FBXO36: variants seen among roughly 807,000 people sequenced by gnomAD.
FBXO36 encodes the protein F-box only protein 36.
FBXO36 carries 18 observed loss-of-function variants against 17.0 expected under a neutral mutation model. The observed-to-expected ratio is 1.06, with a 90% CI of 0.73 to 1.57. The LOEUF is 1.57. Among genes scored for constraint, FBXO36 ranks in the 40% most tolerant of loss-of-function variants. FBXO36 has a pLI of 0.00. For synonymous variants in FBXO36, 83 were observed against 85.3 expected (o/e 0.97, Z 0.15); for missense variants, 229 against 221.9 (o/e 1.03, Z -0.20).
chr2:230,003,537 CTT>C (rs11307090), intron 3 of FBXO36, among the ~76,000 whole-genome samples: 126 of 145,644 alleles, frequency 8.7e-4, no homozygotes, highest in Admixed American at 1.0e-3. Flanking sequence ...TGTTCTTCTT[CTT>C]TTTTTTTTTT....
chr2:229,936,651 T>C (rs371221749), intron 1 of FBXO36, among the ~76,000 whole-genome samples: 1 of 152,094 alleles, frequency 6.6e-6, no homozygotes, highest in African/African-American at 2.4e-5. Flanking sequence ...GGAGAATCAC[T>C]TGAGCCCAGG....
chr2:230,005,477 G>T (rs2077382283), intron 3 of FBXO36, among the ~76,000 whole-genome samples: 1 of 152,070 alleles, frequency 6.6e-6, no homozygotes, highest in Non-Finnish European at 1.5e-5. Context: ...TATACAATTT[G>T]CATTGCATGT....
At chr2:229,923,181 G>T (rs1268113779) in intron 1 of FBXO36, 1 of 152,420 alleles carries the variant, frequency 6.6e-6, no homozygotes, top group African/African-American at 2.4e-5. Flanking sequence ...TTGAAAGTGT[G>T]CGGGTGGTGG....
At chr2:229,953,796 C>G (rs2077069810) in intron 1 of FBXO36, among the ~76,000 whole-genome samples, 1 of 151,940 alleles carries the variant, frequency 6.6e-6, no homozygotes, top group South Asian at 2.1e-4. Context: ...CCTGTACTAC[C>G]TTAGTATAAC....
At chr2:229,963,273 C>A in intron 1 of FBXO36, among the ~76,000 whole-genome samples, 1 of 151,280 alleles carries the variant, frequency 6.6e-6, no homozygotes, top group Admixed American at 6.6e-5. Flanking sequence ...ACCATATTGG[C>A]CAGGATGGTT....
intron 1 of FBXO36, among the ~76,000 whole-genome samples, chr2:229,964,602 C>G (rs1247209160): frequency 1.3e-5 from 2 of 152,194 alleles, no homozygotes; most frequent in East Asian, 3.9e-4. Context: ...CTTACCACAG[C>G]CTCCACCTCC....
chr2:229,935,082 A>T (rs2076957459), intron 1 of FBXO36, among the ~76,000 whole-genome samples: 1 of 152,226 alleles, frequency 6.6e-6, no homozygotes, highest in South Asian at 2.1e-4. Flanking sequence ...TTAACGTCTT[A>T]ACTTGTGCCT....
chr2:229,954,347 A>G (rs2077073733), intron 1 of FBXO36, among the ~76,000 whole-genome samples: 1 of 144,322 alleles, frequency 6.9e-6, no homozygotes, highest in South Asian at 2.2e-4. Context: ...GGTTCAAGCA[A>G]TTCTCCTGCC....
chr2:229,922,978 A>T (rs2076811643), intron 1 of FBXO36, among the ~76,000 whole-genome samples: 1 of 152,168 alleles, frequency 6.6e-6, no homozygotes, highest in African/African-American at 2.4e-5. Flanking sequence ...CGACTCAGCC[A>T]AGTGTCCCAA....
chr2:229,975,720 C>T (rs1365694411), intron 1 of FBXO36, among the ~76,000 whole-genome samples: 1 of 151,918 alleles, frequency 6.6e-6, no homozygotes, highest in African/African-American at 2.4e-5. Context: ...AAGCAATCCT[C>T]CCACCTCAAC....
rs1366684768 is a variant in FBXO36, at chr2:229,968,578, T to C, written c.97-7663T>C. ...GACCTTCGGGCTTCAAGCAGTCCCC[T>C]TGTCTCAGCCCCACTACAAGCTGGG... is the stretch of plus-strand genomic sequence containing the variant. On this transcript the variant is annotated intron_variant, in intron 1 of 3. Transcript: ENST00000283946. 2.6e-5 allele frequency among the ~76,000 whole-genome samples: 4 copies of C among 152,100 alleles called. 1 individual carries two copies. Among genetic ancestry groups the C allele is most frequent in the Admixed American group, 2.6e-4 (4 of 15,244 alleles).
At chr2:229,954,998 C>T (rs1401884979) in intron 1 of FBXO36, among the ~76,000 whole-genome samples, 14 of 152,020 alleles carry the variant, frequency 9.2e-5, no homozygotes, top group African/African-American at 2.7e-4. Flanking sequence ...TACGGACATG[C>T]GCCACCACGC....
intron 1 of FBXO36, among the ~76,000 whole-genome samples, chr2:229,945,642 T>C (rs938698137): frequency 2.0e-5 from 3 of 152,112 alleles, no homozygotes; most frequent in African/African-American, 7.2e-5. Flanking sequence ...GTGCAAAATT[T>C]AGTGTACCTG....
At chr2:230,004,407 A>G (rs1372636970) in intron 3 of FBXO36, among the ~76,000 whole-genome samples, 2 of 152,220 alleles carry the variant, frequency 1.3e-5, no homozygotes, top group African/African-American at 4.8e-5. Context: ...GAAAGTTGAC[A>G]TCCATTGCAA....
intron 1 of FBXO36, among the ~76,000 whole-genome samples, chr2:229,924,472 T>C (rs2076893549): frequency 6.6e-6 from 1 of 152,190 alleles, no homozygotes. Context: ...TAATCTTACA[T>C]GATTTTCTAT....
intron 2 of FBXO36, among the ~76,000 whole-genome samples, chr2:229,977,898 C>T (rs957251010): frequency 1.3e-5 from 2 of 152,170 alleles, no homozygotes; most frequent in African/African-American, 4.8e-5. Flanking sequence ...TCTTAATCTA[C>T]TTTAGAATGT....
intron 1 of FBXO36, among the ~76,000 whole-genome samples, chr2:229,930,776 A>T (rs188337733): frequency 3.5e-4 from 53 of 152,094 alleles, no homozygotes; most frequent in African/African-American, 1.3e-3. Flanking sequence ...GAGATGCTTT[A>T]CCCCTTCGCC....
intron 1 of FBXO36, among the ~76,000 whole-genome samples, chr2:229,958,037 T>C (rs1311320676): frequency 6.6e-6 from 1 of 152,182 alleles, no homozygotes; most frequent in Non-Finnish European, 1.5e-5. Flanking sequence ...CCACAGACAC[T>C]TGGGGGCTTT....
chr2:229,929,407 A>C (rs2076927775), intron 1 of FBXO36, among the ~76,000 whole-genome samples: 1 of 151,956 alleles, frequency 6.6e-6, no homozygotes, highest in East Asian at 1.9e-4. Flanking sequence ...ACTAAAAAAA[A>C]ATAGAAAAAT....
Sources: allele counts gnomAD v4.1 joint callset (sites outside exome capture counted in the v4.1 genomes callset), GRCh38; gene constraint gnomAD v4.1.1; transcripts MANE v1.5; gene names NCBI Gene and HGNC (gene_info 2026-07-23, HGNC 2026-07-21).